Variants in EPB41L2 observed in about 807,000 individuals in gnomAD.
EPB41L2 encodes the protein erythrocyte membrane protein band 4.1 like 2.
Under a neutral mutation model 113.0 loss-of-function variants are expected in EPB41L2, and 43 were observed. That is an observed-to-expected ratio of 0.38 (90% CI 0.30 to 0.49). The LOEUF is 0.49. EPB41L2 is among the 20% of genes least tolerant of loss of function. The pLI is 0.95. For missense variants in EPB41L2, 1,147 were observed against 1,223.4 expected (o/e 0.94, Z 0.93); for synonymous variants, 442 against 436.7 (o/e 1.01, Z -0.15).
intron 1 of EPB41L2, among the ~76,000 whole-genome samples, chr6:130,968,742 T>C (rs1182818155): frequency 6.6e-6 from 1 of 152,086 alleles, no homozygotes; most frequent in African/African-American, 2.4e-5. Flanking sequence ...TTTTTTTTTT[T>C]TTTTAAAGTT....
At chr6:130,913,134 T>G (rs1799930117) in intron 4 of EPB41L2, among the ~76,000 whole-genome samples, 1 of 152,168 alleles carries the variant, frequency 6.6e-6, no homozygotes, top group African/African-American at 2.4e-5. Flanking sequence ...ACCCGGCCCT[T>G]GTACAAATTA....
At chr6:130,901,243 C>G (rs1447566910) in intron 6 of EPB41L2, 63 bp from the exon 7 acceptor site, 2 of 1,468,672 alleles carry the variant, frequency 1.4e-6, no homozygotes, top group South Asian at 2.3e-5. Context: ...GGAGCACTCA[C>G]AGTCCTTAAA....
At chr6:131,025,263 G>A (rs1790594542) in intron 1 of EPB41L2, among the ~76,000 whole-genome samples, 1 of 152,054 alleles carries the variant, frequency 6.6e-6, no homozygotes, top group African/African-American at 2.4e-5. Context: ...AAGGCTAAAT[G>A]AGATACTACA....
intron 1 of EPB41L2, among the ~76,000 whole-genome samples, chr6:131,027,023 A>G (rs915306788): frequency 6.6e-6 from 1 of 152,230 alleles, no homozygotes; most frequent in African/African-American, 2.4e-5. Context: ...CATTTGTCTG[A>G]CTTACTAAAT....
At chr6:130,982,496 T>A (rs1010296205) in intron 1 of EPB41L2, among the ~76,000 whole-genome samples, 2 of 152,020 alleles carry the variant, frequency 1.3e-5, no homozygotes, top group African/African-American at 4.8e-5. Flanking sequence ...TCATTCAGAA[T>A]AACAAATAAA....
chr6:130,952,987 T>A (rs1368344946), intron 3 of EPB41L2, among the ~76,000 whole-genome samples: 1 of 150,246 alleles, frequency 6.7e-6, no homozygotes, highest in African/African-American at 2.5e-5. Context: ...TTGGTCAGTC[T>A]TGTGGTTTAG....
Position 130,885,154 on chromosome 6 carries a change from C to A in EPB41L2, c.1775G>T (p.Gly592Val), listed in dbSNP as rs768774856. 1.2e-6 allele frequency: 2 copies of A among 1,614,160 alleles called. No individual in the cohort carries two copies. Among genetic ancestry groups the A allele is most frequent in the East Asian group, 4.5e-5 (2 of 44,874 alleles). Residue 592 changes from glycine (G) to valine (V), a missense_variant, in exon 12 of 20, where the codon GGC becomes GTC. Coordinates refer to ENST00000337057, the MANE Select transcript of EPB41L2 (RefSeq NM_001431.4). ...VSIAVVQDGDGRREVRSPTKA... is the reference protein window; with the variant it reads ...VSIAVVQDGDVRREVRSPTKA... ...AGTTGGGCTTCTCACTTCCCTCCTG[C>A]CGTCCCCATCTTGTACCACGGCAAT... is the stretch of plus-strand genomic sequence containing the variant.
intron 2 of EPB41L2, 46 bp from the exon 3 acceptor site, chr6:130,955,363 G>GC: frequency 6.4e-7 from 1 of 1,562,336 alleles, no homozygotes; most frequent in South Asian, 1.1e-5. Context: ...CAACCACCTT[G>GC]CAGATGACAA....
Position 130,863,703 on chromosome 6 carries a change from T to C in EPB41L2, c.2845A>G (p.Ile949Val). The C allele has an allele frequency of 2.5e-6, 4 of 1,613,328 alleles. No homozygotes were observed. The highest frequency in any genetic ancestry group is 3.4e-6 in the Non-Finnish European group (4 of 1,179,310). ...THITKTVKGG[I>V]SETRIEKRIV... Reference sequence around the variant, plus strand: ...CGTTTCTCAATTCTTGTTTCAGAAATTCCACCTTTTACAGTCTAAAGGTCA... The same window carrying C: ...CGTTTCTCAATTCTTGTTTCAGAAACTCCACCTTTTACAGTCTAAAGGTCA... The change falls in exon 18 of 20, where the codon ATT (isoleucine) becomes GTT (valine). Residue 949 changes from isoleucine to valine, a missense_variant. Physicochemically the swap from Ile to Val is conservative, Grantham distance 29 (BLOSUM62 3). Coordinates refer to ENST00000337057, the MANE Select transcript of EPB41L2 (RefSeq NM_001431.4).
At chr6:131,061,829 G>C (rs1798710260) in intron 1 of EPB41L2, among the ~76,000 whole-genome samples, 2 of 152,030 alleles carry the variant, frequency 1.3e-5, no homozygotes, top group South Asian at 4.2e-4. Flanking sequence ...ACGTAGGGTG[G>C]GGGAGGAAAT....
intron 1 of EPB41L2, among the ~76,000 whole-genome samples, chr6:130,963,079 T>C (rs189596014): frequency 1.3e-5 from 2 of 151,406 alleles, no homozygotes; most frequent in African/African-American, 4.8e-5. Flanking sequence ...CAAAGGACAC[T>C]GGCAAGAGAA....
At chr6:130,884,537 G>C (rs569057744) in intron 12 of EPB41L2, among the ~76,000 whole-genome samples, 14 of 152,148 alleles carry the variant, frequency 9.2e-5, no homozygotes, top group Non-Finnish European at 1.5e-4. Flanking sequence ...AGATAACAGT[G>C]ACACATTTGA....
intron 1 of EPB41L2, among the ~76,000 whole-genome samples, chr6:131,020,865 C>A (rs753079863): frequency 1.3e-5 from 2 of 152,306 alleles, no homozygotes; most frequent in Non-Finnish European, 2.9e-5. Flanking sequence ...TTATAGCTTA[C>A]TAAAGCCTTG....
At chr6:130,891,805 T>C (rs150991489) in intron 10 of EPB41L2, among the ~76,000 whole-genome samples, 1 of 152,186 alleles carries the variant, frequency 6.6e-6, no homozygotes, top group African/African-American at 2.4e-5. Flanking sequence ...TGATTGGCTA[T>C]CAATTAATAG....
At chr6:130,867,309 A>C in intron 16 of EPB41L2, 150 bp downstream of exon 16, 1 of 1,010,050 alleles carries the variant, frequency 9.9e-7, no homozygotes, top group Non-Finnish European at 1.4e-6. Context: ...AGAACATAGC[A>C]AATTATGTTG....
intron 1 of EPB41L2, among the ~76,000 whole-genome samples, chr6:130,981,191 C>T (rs763922990): frequency 6.6e-6 from 1 of 152,116 alleles, no homozygotes; most frequent in Non-Finnish European, 1.5e-5. Context: ...TACATAGTAA[C>T]TTGATTTGTA....
chr6:130,873,084 A>G (rs1336480663), intron 14 of EPB41L2, among the ~76,000 whole-genome samples: 1 of 151,888 alleles, frequency 6.6e-6, no homozygotes, highest in Non-Finnish European at 1.5e-5. Flanking sequence ...CCTCCTCAAT[A>G]CCACCTTAAC....
At chr6:130,867,937 G>GAC (rs58752395) in intron 15 of EPB41L2, 7,931 of 178,862 alleles carry the variant, frequency 0.044, 200 homozygotes, top group African/African-American at 0.063. Flanking sequence ...AGTGTATAGT[G>GAC]ACACACACAC....
At chr6:131,004,340 T>C (rs1433558370) in intron 1 of EPB41L2, among the ~76,000 whole-genome samples, 1 of 151,828 alleles carries the variant, frequency 6.6e-6, no homozygotes, top group Non-Finnish European at 1.5e-5. Context: ...TAAAATGAGG[T>C]TAAGGAAATC....
Sources: allele counts gnomAD v4.1 joint callset (sites outside exome capture counted in the v4.1 genomes callset), GRCh38; gene constraint gnomAD v4.1.1; transcripts MANE v1.5; gene names NCBI Gene and HGNC (gene_info 2026-07-23, HGNC 2026-07-21).